The following SPOCK1 variants were observed in gnomAD, a reference collection of about 807,000 sequenced individuals.
SPOCK1 encodes the protein SPARC (osteonectin), cwcv and kazal like domains proteoglycan 1.
A neutral mutation model predicts 55.3 loss-of-function variants in SPOCK1; 23 were observed. The observed-to-expected ratio is 0.42, with a 90% CI of 0.30 to 0.59. The LOEUF (loss-of-function observed/expected upper bound fraction) is 0.59. SPOCK1 is among the 20% of genes least tolerant of loss of function. The pLI is 0.22. For synonymous variants in SPOCK1, 226 were observed against 221.0 expected (o/e 1.02, Z -0.20); for missense variants, 499 against 552.5 (o/e 0.90, Z 0.97).
intron 3 of SPOCK1, among the ~76,000 whole-genome samples, chr5:137,174,942 A>G (rs1197870211): frequency 1.3e-5 from 2 of 152,164 alleles, no homozygotes; most frequent in East Asian, 3.9e-4. Flanking sequence ...GGCCAAGGCC[A>G]CCACCACCTT....
chr5:137,496,988 G>A (rs963504999), intron 2 of SPOCK1, among the ~76,000 whole-genome samples: 1 of 152,176 alleles, frequency 6.6e-6, no homozygotes, highest in African/African-American at 2.4e-5. Flanking sequence ...AAAAGAAGAG[G>A]AGGAACAGAG....
At chr5:137,035,976 C>T (rs1751877713) in intron 6 of SPOCK1, among the ~76,000 whole-genome samples, 2 of 152,074 alleles carry the variant, frequency 1.3e-5, no homozygotes, top group Admixed American at 1.3e-4. Context: ...TGGAGCTCCC[C>T]ACAAGGATGA....
At chr5:137,101,029 G>T (rs142148692) in intron 5 of SPOCK1, among the ~76,000 whole-genome samples, 8 of 152,272 alleles carry the variant, frequency 5.3e-5, no homozygotes, top group African/African-American at 1.7e-4. Context: ...TCAGCCTAGG[G>T]CTTATAAAGT....
intron 4 of SPOCK1, among the ~76,000 whole-genome samples, chr5:137,125,435 T>C (rs193226438): frequency 6.6e-6 from 1 of 152,242 alleles, no homozygotes; most frequent in African/African-American, 2.4e-5. Context: ...TATATCAAAA[T>C]CTTAACCTCT....
At chr5:137,121,742 AGTGT>A (rs1307171963) in intron 4 of SPOCK1, among the ~76,000 whole-genome samples, 1 of 146,522 alleles carries the variant, frequency 6.8e-6, no homozygotes, top group African/African-American at 2.5e-5. Flanking sequence ...ACATCATATA[AGTGT>A]GTGTGTATGT....
At chr5:137,187,855 G>A (rs775156375) in intron 3 of SPOCK1, among the ~76,000 whole-genome samples, 43 of 152,170 alleles carry the variant, frequency 2.8e-4, no homozygotes, top group Non-Finnish European at 5.0e-4. Context: ...CCCTCAAAAA[G>A]CTACCAGTAG....
chr5:137,222,579 A>C (rs9327776), intron 3 of SPOCK1, among the ~76,000 whole-genome samples: 25,869 of 152,214 alleles, frequency 0.17, 2,503 homozygotes, highest in South Asian at 0.27. Flanking sequence ...TCAAGTGGTT[A>C]GCCAACATTT....
chr5:136,990,518 A>G (rs74409093), intron 7 of SPOCK1, among the ~76,000 whole-genome samples: 62 of 151,628 alleles, frequency 4.1e-4, no homozygotes, highest in African/African-American at 1.2e-3. Flanking sequence ...AATTTATTCA[A>G]TATCTTAGAA....
rs111967702 is a variant in SPOCK1, at chr5:137,096,844, A to C, written c.474+15591T>G. ...TAGTGTGAATTGGTGTAGTTCTGTC[A>C]TAGTGGCTTTTGCAGTGTGGAGGAC... On this transcript the variant is annotated intron_variant, in intron 5 of 10. Transcript: ENST00000394945. 2.8e-3 allele frequency among the ~76,000 whole-genome samples: 428 copies of C among 152,268 alleles called. 1 individual carries two copies. The highest frequency in any genetic ancestry group is 4.4e-3 in the Non-Finnish European group (300 of 68,014).
intron 2 of SPOCK1, among the ~76,000 whole-genome samples, chr5:137,454,994 A>C (rs188580589): frequency 5.3e-5 from 8 of 152,332 alleles, no homozygotes; most frequent in African/African-American, 1.7e-4. Context: ...TCTTTTCCAA[A>C]GTAAATGTAT....
chr5:137,078,504 G>T (rs1752817993), intron 5 of SPOCK1, among the ~76,000 whole-genome samples: 1 of 152,158 alleles, frequency 6.6e-6, no homozygotes, highest in African/African-American at 2.4e-5. Flanking sequence ...TGGGTAGGGA[G>T]AAACTCTCTG....
At chr5:137,197,438 G>A (rs1203942465) in intron 3 of SPOCK1, among the ~76,000 whole-genome samples, 1 of 152,078 alleles carries the variant, frequency 6.6e-6, no homozygotes, top group African/African-American at 2.4e-5. Context: ...TGCCACTCTG[G>A]GCCAGTTTTC....
intron 6 of SPOCK1, among the ~76,000 whole-genome samples, chr5:137,017,911 C>T (rs1395909824): frequency 2.6e-5 from 4 of 152,202 alleles, no homozygotes; most frequent in African/African-American, 7.2e-5. Context: ...CAACCAGCCA[C>T]AATTACATCC....
chr5:137,240,031 T>C (rs546742679), intron 3 of SPOCK1, among the ~76,000 whole-genome samples: 1 of 152,308 alleles, frequency 6.6e-6, no homozygotes, highest in Admixed American at 6.5e-5. Flanking sequence ...GTAGTAGACC[T>C]ATGTGAAGAG....
chr5:137,315,902 G>T (rs996724064), intron 2 of SPOCK1, among the ~76,000 whole-genome samples: 1 of 152,204 alleles, frequency 6.6e-6, no homozygotes, highest in African/African-American at 2.4e-5. Flanking sequence ...GGGGCAGGGT[G>T]CTGGAGAGTC....
At chr5:137,473,652 A>G (rs1389104197) in intron 2 of SPOCK1, among the ~76,000 whole-genome samples, 1 of 152,356 alleles carries the variant, frequency 6.6e-6, no homozygotes, top group East Asian at 1.9e-4. Flanking sequence ...AGAAAACCTA[A>G]TCGTATATTA....
intron 2 of SPOCK1, among the ~76,000 whole-genome samples, chr5:137,429,287 C>T (rs543480391): frequency 1.2e-4 from 19 of 152,306 alleles, no homozygotes; most frequent in African/African-American, 4.6e-4. Context: ...CCACAGAAAA[C>T]TTACATGTAC....
chr5:137,376,322 C>T (rs1209110094), intron 2 of SPOCK1, among the ~76,000 whole-genome samples: 1 of 152,194 alleles, frequency 6.6e-6, no homozygotes, highest in Non-Finnish European at 1.5e-5. Flanking sequence ...CCGGCTGCCC[C>T]GCCCTCTTGT....
At chr5:137,270,689 A>G (rs1320004540) in intron 2 of SPOCK1, among the ~76,000 whole-genome samples, 2 of 152,214 alleles carry the variant, frequency 1.3e-5, no homozygotes, top group Non-Finnish European at 2.9e-5. Context: ...TAGTATTCCA[A>G]GGCAGCAGGA....
Sources: allele counts gnomAD v4.1 joint callset (sites outside exome capture counted in the v4.1 genomes callset), GRCh38; gene constraint gnomAD v4.1.1; transcripts MANE v1.5; gene names NCBI Gene and HGNC (gene_info 2026-07-23, HGNC 2026-07-21).